Variants in EPHA3 observed in about 807,000 individuals in gnomAD.
EPHA3 encodes the protein ephrin type-A receptor 3.
In EPHA3, 42 loss-of-function variants were observed where a neutral mutation model predicts 107.1. The ratio of observed to expected loss-of-function variants is 0.39; its 90% CI spans 0.31 to 0.51. EPHA3 has a LOEUF of 0.51. Among genes scored for constraint, EPHA3 ranks in the 20% least tolerant of loss-of-function variants. EPHA3 has a pLI of 0.78. For missense variants in EPHA3, 1,183 were observed against 1,211.2 expected (o/e 0.98, Z 0.35); for synonymous variants, 461 against 424.8 (o/e 1.09, Z -1.05).
chr3:89,480,503 T>G lies in EPHA3; in HGVS notation c.*1001T>G, dbSNP rs1432209768. Reference sequence around the variant, plus strand: ...TGGTGCTTAGAGACTATCAACTCCCTCCTTTAGTGAAGGAGCCGTGTTAGA... The same window carrying G: ...TGGTGCTTAGAGACTATCAACTCCCGCCTTTAGTGAAGGAGCCGTGTTAGA... On this transcript the variant is annotated 3_prime_UTR_variant, in exon 17 of 17. Coordinates refer to ENST00000336596, the MANE Select transcript of EPHA3 (RefSeq NM_005233.6). 4.3e-6 allele frequency: 1 copy of G among 233,182 alleles called. No individual in the cohort carries two copies. The highest frequency in any genetic ancestry group is 8.5e-6 in the Non-Finnish European group (1 of 117,816). The allele number at this position is 233,182 out of a possible 1,614,324, so 14.4% of individuals were successfully genotyped here.
intron 13 of EPHA3, among the ~76,000 whole-genome samples, chr3:89,435,016 T>C (rs1279978679): frequency 6.6e-6 from 1 of 152,140 alleles, no homozygotes; most frequent in Non-Finnish European, 1.5e-5. Flanking sequence ...TAGGCCTTAT[T>C]GAGTACAATA....
At chr3:89,385,017 T>C (rs965185946) in intron 5 of EPHA3, among the ~76,000 whole-genome samples, 1 of 152,186 alleles carries the variant, frequency 6.6e-6, no homozygotes, top group African/African-American at 2.4e-5. Context: ...GGATCATTTT[T>C]CTAAAACATA....
At chr3:89,219,214 A>G (rs1704289479) in intron 3 of EPHA3, among the ~76,000 whole-genome samples, 2 of 152,076 alleles carry the variant, frequency 1.3e-5, no homozygotes, top group South Asian at 4.1e-4. Context: ...CCCAGGTTAA[A>G]GTGCAGTGGC....
intron 3 of EPHA3, among the ~76,000 whole-genome samples, chr3:89,243,213 A>T (rs1479666422): frequency 2.6e-5 from 4 of 152,088 alleles, no homozygotes; most frequent in Admixed American, 2.0e-4. Context: ...CGCGATAAAC[A>T]TATGTGTGCA....
At chr3:89,154,301 T>G (rs1704750704) in intron 2 of EPHA3, among the ~76,000 whole-genome samples, 1 of 151,456 alleles carries the variant, frequency 6.6e-6, no homozygotes, top group South Asian at 2.1e-4. Flanking sequence ...TATTTCTCAT[T>G]CTTTGGACGC....
At chr3:89,385,169 T>C (rs774896345) in intron 5 of EPHA3, among the ~76,000 whole-genome samples, 1 of 152,268 alleles carries the variant, frequency 6.6e-6, no homozygotes, top group African/African-American at 2.4e-5. Context: ...ATTTGCTCTA[T>C]ATGTATTATT....
At chr3:89,151,056 A>G (rs1704680495) in intron 2 of EPHA3, among the ~76,000 whole-genome samples, 1 of 152,106 alleles carries the variant, frequency 6.6e-6, no homozygotes, top group Non-Finnish European at 1.5e-5. Flanking sequence ...AAGAAGTCTG[A>G]TCTTTTAAGT....
intron 5 of EPHA3, among the ~76,000 whole-genome samples, chr3:89,351,087 C>T (rs1453262601): frequency 2.0e-5 from 3 of 151,308 alleles, no homozygotes; most frequent in Non-Finnish European, 4.4e-5. Context: ...TTTGCCCTGC[C>T]CCCAGAGGTG....
chr3:89,460,198 A>G (rs1710194243), intron 15 of EPHA3, among the ~76,000 whole-genome samples: 1 of 152,142 alleles, frequency 6.6e-6, no homozygotes, highest in Non-Finnish European at 1.5e-5. Context: ...GAAATAGAGA[A>G]ATAATTTCTT....
At chr3:89,276,604 T>G (rs2107307212) in intron 3 of EPHA3, among the ~76,000 whole-genome samples, 1 of 152,202 alleles carries the variant, frequency 6.6e-6, no homozygotes, top group African/African-American at 2.4e-5. Flanking sequence ...CAGAGATTGA[T>G]AATACTCCTT....
intron 3 of EPHA3, among the ~76,000 whole-genome samples, chr3:89,324,925 C>T (rs2107387056): frequency 6.6e-6 from 1 of 152,240 alleles, no homozygotes; most frequent in African/African-American, 2.4e-5. Flanking sequence ...CAGTATTTAG[C>T]TCTCAGTTAT....
At chr3:89,452,490 T>C in intron 15 of EPHA3, among the ~76,000 whole-genome samples, 1 of 152,210 alleles carries the variant, frequency 6.6e-6, no homozygotes, top group East Asian at 1.9e-4. Flanking sequence ...TGGCCATTTG[T>C]CTTCCTCAGA....
At chr3:89,298,164 C>T (rs1428993561) in intron 3 of EPHA3, among the ~76,000 whole-genome samples, 2 of 152,198 alleles carry the variant, frequency 1.3e-5, no homozygotes, top group Non-Finnish European at 2.9e-5. Flanking sequence ...CATGCCTCTA[C>T]TACATTTGGA....
intron 5 of EPHA3, among the ~76,000 whole-genome samples, chr3:89,392,829 AT>A (rs1306938664): frequency 1.3e-5 from 2 of 152,098 alleles, no homozygotes; most frequent in Admixed American, 1.3e-4. Flanking sequence ...TCACTTTCTC[AT>A]TAATATTCTA....
chr3:89,363,014 ATTACTC>A (rs2107460330), intron 5 of EPHA3, among the ~76,000 whole-genome samples: 1 of 151,010 alleles, frequency 6.6e-6, no homozygotes, highest in Admixed American at 6.6e-5. Flanking sequence ...ACCAAAGAAA[ATTACTC>A]TTATCATTTC....
rs182091845 is a variant in EPHA3, at chr3:89,232,129, G to A, written c.814+21609G>A. Among the ~76,000 whole-genome samples the A allele has an allele frequency of 3.3e-5, 5 of 152,140 alleles. No individual in the cohort carries two copies. In the South Asian group the frequency reaches 6.2e-4, roughly 19 times the overall value. On this transcript the variant is annotated intron_variant, in intron 3 of 16. Coordinates refer to ENST00000336596, the MANE Select transcript of EPHA3 (RefSeq NM_005233.6). ...CCAAGATGTTATATTTTGGGGTGTC[G>A]TGTTCTGAGCCCCAATGGGACCACA...
At position 89,108,228 on chromosome 3, in the gene EPHA3, C is replaced by T. The variant is rs551262247; in HGVS notation, c.88+392C>T. On this transcript the variant is annotated intron_variant, in intron 1 of 16. Transcript: ENST00000336596. Reference sequence around the variant, plus strand: ...GAAGTTTGAAAGAAAATTCAGCCTTCCTCTCTAGACTCTTTAGTATGTTTA... The same window carrying T: ...GAAGTTTGAAAGAAAATTCAGCCTTTCTCTCTAGACTCTTTAGTATGTTTA... Among the ~76,000 whole-genome samples the T allele has an allele frequency of 7.9e-5, 12 of 152,208 alleles. No homozygotes were observed. The South Asian group carries it at 2.5e-3, about 32-fold the overall frequency.
At position 89,407,382 on chromosome 3, in the gene EPHA3, A is replaced by G; in HGVS notation, c.1697+11A>G. ...TGTTTTGATTGGGAGGTGAGTTCAC[A>G]GTCTGTTTCACTATTCACTTTCTTT... On this transcript the variant is annotated intron_variant, in intron 8 of 16. Coordinates refer to ENST00000336596, the MANE Select transcript of EPHA3 (RefSeq NM_005233.6). 6.2e-7 allele frequency: 1 copy of G among 1,604,176 alleles called. No individual in the cohort carries two copies. Among genetic ancestry groups the G allele is most frequent in the Non-Finnish European group, 8.5e-7 (1 of 1,171,408 alleles).
intron 11 of EPHA3, among the ~76,000 whole-genome samples, chr3:89,428,324 A>T (rs1397526916): frequency 6.6e-6 from 1 of 152,042 alleles, no homozygotes; most frequent in African/African-American, 2.4e-5. Context: ...TAAAATGGAA[A>T]TAATAATACT....
Sources: allele counts gnomAD v4.1 joint callset (sites outside exome capture counted in the v4.1 genomes callset), GRCh38; gene constraint gnomAD v4.1.1; transcripts MANE v1.5; gene names NCBI Gene and HGNC (gene_info 2026-07-23, HGNC 2026-07-21).